TRAPPC9: variants seen among roughly 807,000 people sequenced by gnomAD.
TRAPPC9 encodes the protein IKK2 binding protein.
TRAPPC9 carries 83 observed loss-of-function variants against 124.0 expected under a neutral mutation model. The ratio of observed to expected loss-of-function variants is 0.67; its 90% CI spans 0.56 to 0.80. The LOEUF is 0.80. TRAPPC9 is among the 30% of genes least tolerant of loss of function. The pLI, the probability that TRAPPC9 is intolerant of heterozygous loss-of-function variation, is 0.00. For missense variants in TRAPPC9, 1,302 were observed against 1,508.3 expected, an observed-to-expected ratio of 0.86 and a Z score of 2.27; for synonymous variants, 638 against 617.5, an observed-to-expected ratio of 1.03 and a Z score of -0.49.
chr8:140,197,584 C>G (rs184221332), intron 17 of TRAPPC9, among the ~76,000 whole-genome samples: 12 of 152,272 alleles, frequency 7.9e-5, no homozygotes, highest in Admixed American at 6.5e-5. Context: ...CAAGGACTAT[C>G]TAGATGAAAT....
chr8:140,130,674 T>C (rs541322717), intron 17 of TRAPPC9, among the ~76,000 whole-genome samples: 231 of 152,252 alleles, frequency 1.5e-3, no homozygotes, highest in African/African-American at 5.4e-3. Context: ...GAGGACCGGA[T>C]GGCCATCTCC....
In TRAPPC9 at chr8:139,933,133, C is replaced by T. The variant is rs572531577; in HGVS notation, c.2811-22833G>A. Reference sequence around the variant, plus strand: ...TTGTTTTTTGCATGATTCTTTGTGACCAAGCTGTTTCTCCAGCTGCCTTGA... The same window carrying T: ...TTGTTTTTTGCATGATTCTTTGTGATCAAGCTGTTTCTCCAGCTGCCTTGA... On this transcript the variant is annotated intron_variant, in intron 19 of 22. Transcript: ENST00000438773. 133 of 154,562 alleles carry T rather than the reference C, an allele frequency of 8.6e-4. 1 individual carries two copies. In the South Asian group the frequency reaches 0.014, roughly 16 times the overall value. 9.6% of individuals were successfully genotyped at this position (154,562 alleles called of 1,614,324 possible). A position where few individuals can be genotyped will look rare whatever the true frequency, so the allele number is the denominator to read the frequency against.
Position 140,287,650 on chromosome 8 carries a change from G to A in TRAPPC9, c.1939C>T (p.Leu647Phe). 1 of 1,614,184 alleles carries A rather than the reference G, an allele frequency of 6.2e-7. No homozygotes were observed. Among genetic ancestry groups the A allele is most frequent in the Non-Finnish European group, 8.5e-7 (1 of 1,180,028 alleles). Residue 647 changes from leucine to phenylalanine, a missense_variant, in exon 13 of 23, where the codon CTC becomes TTC. Physicochemically the swap from Leu to Phe is conservative, Grantham distance 22. Coordinates refer to ENST00000438773, the MANE Select transcript of TRAPPC9 (RefSeq NM_001160372.4). Reference sequence around the variant, plus strand: ...CCAGTCGTCTGCGGGACCCCGACGAGCGTCACTGGGTACAGACCAGATTCA... The same window carrying A: ...CCAGTCGTCTGCGGGACCCCGACGAACGTCACTGGGTACAGACCAGATTCA... ...PAESGLYPVT[L>F]VGVPQTTGTI... is the part of the protein sequence containing the mutation.
intron 21 of TRAPPC9, among the ~76,000 whole-genome samples, chr8:139,868,248 A>C (rs1340225506): frequency 6.6e-6 from 1 of 152,162 alleles, no homozygotes; most frequent in Admixed American, 6.5e-5. Context: ...AATCCCAGCT[A>C]CTTGGAAAGC....
intron 5 of TRAPPC9, among the ~76,000 whole-genome samples, chr8:140,416,637 T>A (rs1324436386): frequency 6.6e-6 from 1 of 152,206 alleles, no homozygotes; most frequent in Non-Finnish European, 1.5e-5. Context: ...AAAATGGTCA[T>A]ACTGCCCCAA....
At chr8:139,867,305 C>T (rs1052304159) in intron 21 of TRAPPC9, among the ~76,000 whole-genome samples, 1 of 152,000 alleles carries the variant, frequency 6.6e-6, no homozygotes, top group Non-Finnish European at 1.5e-5. Context: ...GAAGGAGCAC[C>T]CAGAGGTCAA....
chr8:140,110,636 G>A (rs1236473626), intron 17 of TRAPPC9, among the ~76,000 whole-genome samples: 2 of 2,652 alleles, frequency 7.5e-4, no homozygotes, highest in Admixed American at 2.7e-3. Flanking sequence ...TGCATCCCCC[G>A]TGGTACCTCC....
chr8:140,283,699 A>C (rs1185231586), intron 14 of TRAPPC9, among the ~76,000 whole-genome samples, 190 bp downstream of exon 14: 3 of 152,094 alleles, frequency 2.0e-5, no homozygotes, highest in Non-Finnish European at 4.4e-5. Context: ...GATCATGGTA[A>C]GAAAGATTTC....
intron 21 of TRAPPC9, among the ~76,000 whole-genome samples, chr8:139,782,386 G>T (rs1335311272): frequency 1.3e-5 from 2 of 152,068 alleles, no homozygotes; most frequent in African/African-American, 4.8e-5. Context: ...AGAAAAGGGG[G>T]GAAAAAGGTA....
At chr8:139,917,167 C>CTTTTTTCTTTTT (rs1832195372) in intron 19 of TRAPPC9, among the ~76,000 whole-genome samples, 11 of 99,926 alleles carry the variant, frequency 1.1e-4, no homozygotes, top group African/African-American at 4.7e-4. Flanking sequence ...TTATTATTTT[C>CTTTTTTCTTTTT]TTTTTTTTTT....
intron 21 of TRAPPC9, among the ~76,000 whole-genome samples, chr8:139,827,375 C>T (rs186328191): frequency 1.3e-5 from 2 of 152,344 alleles, no homozygotes; most frequent in Admixed American, 1.3e-4. Context: ...TGGCTGATCC[C>T]CGTAATCCCT....
intron 1 of TRAPPC9, among the ~76,000 whole-genome samples, chr8:140,453,466 G>T (rs1040311614): frequency 1.1e-5 from 1 of 90,694 alleles, no homozygotes; most frequent in Non-Finnish European, 2.5e-5. Context: ...CTAATGGCAA[G>T]CTTCTCACCT....
chr8:139,790,726 T>C (rs1382388528), intron 21 of TRAPPC9, among the ~76,000 whole-genome samples: 4 of 152,138 alleles, frequency 2.6e-5, no homozygotes, highest in Admixed American at 2.6e-4. Flanking sequence ...TCTGTCCAGG[T>C]GGAGAGTGGT....
intron 11 of TRAPPC9, among the ~76,000 whole-genome samples, chr8:140,293,080 A>G (rs1475334189): frequency 6.7e-6 from 1 of 148,444 alleles, no homozygotes; most frequent in African/African-American, 2.6e-5. Context: ...TTCTGAAAAG[A>G]AGACATTTAT....
intron 17 of TRAPPC9, among the ~76,000 whole-genome samples, chr8:140,123,872 C>A (rs1055107757): frequency 6.6e-6 from 1 of 152,142 alleles, no homozygotes; most frequent in Non-Finnish European, 1.5e-5. Context: ...ATGGGTCCAT[C>A]AGGAGAGGCT....
At chr8:140,354,015 A>G (rs1352169775) in intron 9 of TRAPPC9, among the ~76,000 whole-genome samples, 3 of 152,240 alleles carry the variant, frequency 2.0e-5, no homozygotes, top group African/African-American at 4.8e-5. Flanking sequence ...TTCCTGGACA[A>G]TGTGACAGTA....
intron 19 of TRAPPC9, among the ~76,000 whole-genome samples, chr8:139,976,928 C>T (rs948009730): frequency 6.6e-6 from 1 of 152,128 alleles, no homozygotes; most frequent in South Asian, 2.1e-4. Context: ...TGGTGAGCTG[C>T]CAGAAGTGTC....
intron 7 of TRAPPC9, among the ~76,000 whole-genome samples, chr8:140,381,984 A>C (rs1043349605): frequency 1.3e-5 from 2 of 152,232 alleles, no homozygotes; most frequent in African/African-American, 4.8e-5. Context: ...ACACTTGTAC[A>C]TTCCCACAAA....
chr8:140,134,527 G>C (rs917555777), intron 17 of TRAPPC9, among the ~76,000 whole-genome samples: 2 of 147,948 alleles, frequency 1.4e-5, no homozygotes, highest in Admixed American at 6.7e-5. Context: ...GCCTCCCAAA[G>C]TGCTGGGATT....
Sources: gnomAD v4.1 joint callset for allele counts (sites outside exome capture counted in the v4.1 genomes callset) on GRCh38, gnomAD v4.1.1 for gene constraint, MANE v1.5 for transcripts, NCBI Gene and HGNC (gene_info 2026-07-23, HGNC 2026-07-21) for gene names.